Variants in JUP observed in about 807,000 individuals in gnomAD.
JUP encodes catenin (cadherin-associated protein), gamma 80kDa.
JUP carries 28 observed loss-of-function variants against 71.1 expected under a neutral mutation model. That is an observed-to-expected ratio of 0.39 (90% CI 0.29 to 0.54). The LOEUF (loss-of-function observed/expected upper bound fraction) is 0.54, where lower values mean the gene tolerates loss of function less well. Ranked by LOEUF, JUP falls within the 20% of genes least tolerant of loss-of-function variation. The pLI is 0.62. For missense variants in JUP, 869 were observed against 1,030.1 expected, an observed-to-expected ratio of 0.84 and a Z score of 2.14; for synonymous variants, 401 against 438.9, an observed-to-expected ratio of 0.91 and a Z score of 1.08.
intron 1 of JUP, chr17:41,772,240 G>T: frequency 2.8e-6 from 1 of 360,330 alleles, no homozygotes; most frequent in Admixed American, 3.8e-5. Context: ...AGGCACTCAG[G>T]GCTTCTAGCA....
chr17:41,782,007 C>A lies in JUP; in HGVS notation c.-9+4581G>T, dbSNP rs868974538. ...TCTCAAGTCCCATTAGCCTTCTCCA[C>A]GATCAATAATCCCGTTGCCTGGGGT... On this transcript the variant is annotated intron_variant, in intron 1 of 13. Transcript: ENST00000393931. Among the ~76,000 whole-genome samples the A allele has an allele frequency of 2.6e-5, 4 of 152,166 alleles. No individual in the cohort carries two copies. In the South Asian group the frequency reaches 8.3e-4, roughly 31 times the overall value.
rs886037753 is a variant in JUP at position 41,769,418 on chromosome 17, C to T, written c.468G>A (p.Pro156=). 10 of 1,610,584 alleles carry T rather than the reference C, an allele frequency of 6.2e-6. No individual in the cohort carries two copies. Among genetic ancestry groups the T allele is most frequent in the Middle Eastern group, 1.7e-4 (1 of 6,056 alleles). The change falls in exon 3 of 14, where the codon CCG becomes CCA. Residue 156 remains proline (P), a splice_region_variant and synonymous_variant. Coordinates refer to ENST00000393931, the MANE Select transcript of JUP (RefSeq NM_002230.4). ...CACCCTAGCAGGGACCCTCACAGAC[C>T]GGGTCCTCGTCGTTGAGCAGTTTGG... The part of the protein sequence containing the change: ...ELTKLLNDED[P]VVVTKAAMIV...
Position 41,768,957 on chromosome 17 carries a change from A to G in JUP, c.707+12T>C, listed in dbSNP as rs782282188. On this transcript the variant is annotated intron_variant, in intron 4 of 13. Coordinates refer to ENST00000393931, the MANE Select transcript of JUP (RefSeq NM_002230.4). ...GGGGTCCTGGGCTCATGCAGTGAGC[A>G]GGGTTGGGTACCTGAGCATGCGGAC... is the stretch of plus-strand genomic sequence containing the variant. 2 of 1,590,532 alleles carry G rather than the reference A, an allele frequency of 1.3e-6. No individual in the cohort carries two copies. Among genetic ancestry groups the G allele is most frequent in the African/African-American group, 2.7e-5 (2 of 74,540 alleles).
At chr17:41,764,028 G>T (rs149566365) in intron 7 of JUP, among the ~76,000 whole-genome samples, 1 of 152,270 alleles carries the variant, frequency 6.6e-6, no homozygotes, top group East Asian at 1.9e-4. Flanking sequence ...CTAACCCCAG[G>T]TTGAATGAGC....
intron 12 of JUP, among the ~76,000 whole-genome samples, chr17:41,756,626 C>T (rs533194162): frequency 2.0e-5 from 3 of 150,392 alleles, no homozygotes; most frequent in Non-Finnish European, 4.4e-5. Context: ...AGGCTGGGCG[C>T]AGTGGCTCAC....
At chr17:41,782,622 C>G (rs1010861013) in intron 1 of JUP, among the ~76,000 whole-genome samples, 1 of 152,086 alleles carries the variant, frequency 6.6e-6, no homozygotes, top group South Asian at 2.1e-4. Flanking sequence ...ACAGCCCTGG[C>G]CTTGGGGAGA....
intron 8 of JUP, among the ~76,000 whole-genome samples, chr17:41,762,168 AGAGAGAGAGTGTGT>A (rs1400051514): frequency 0.02 from 970 of 49,078 alleles, 2 homozygotes; most frequent in Non-Finnish European, 0.03. Context: ...AGAGAGAGAG[AGAGAGAGAGTGTGT>A]GTGTGTGTGT....
chr17:41,759,977 G>A lies in JUP; in HGVS notation c.1498-1107C>T, dbSNP rs1424274019. Among the ~76,000 whole-genome samples, 3 of 151,820 alleles carry A rather than the reference G, an allele frequency of 2.0e-5. No homozygotes were observed. In the East Asian group the frequency reaches 6.0e-4, roughly 30 times the overall value. On this transcript the variant is annotated intron_variant, in intron 8 of 13. Coordinates refer to ENST00000393931, the MANE Select transcript of JUP (RefSeq NM_002230.4). The stretch of plus-strand genomic sequence containing the variant: ...GCCTGTAATCCTAGCACTTTGGGAG[G>A]CCAAGGCAGGCAGATCACTTTAGGT...
chr17:41,769,043 G>T lies in JUP; in HGVS notation c.633C>A (p.Asn211Lys), dbSNP rs372145644. The change falls in exon 4 of 14, where the codon AAC becomes AAA. Residue 211 changes from asparagine to lysine, a missense_variant. Transcript: ENST00000393931. Reference sequence around the variant, plus strand: ...GCAGCCCCTCCCGGTGGTGGGAGAGGTTGTGCAGGATGCTGGTGGTGCAGC... The same window carrying T: ...GCAGCCCCTCCCGGTGGTGGGAGAGTTTGTGCAGGATGCTGGTGGTGCAGC... ...TARCTTSILHNLSHHREGLLA... is the reference protein window; with the variant it reads ...TARCTTSILHKLSHHREGLLA... 2.5e-6 allele frequency: 4 copies of T among 1,613,082 alleles called. No homozygotes were observed. The highest frequency in any genetic ancestry group is 3.4e-6 in the Non-Finnish European group (4 of 1,179,706).
At chr17:41,772,728 G>T in intron 1 of JUP, 1 of 870,350 alleles carries the variant, frequency 1.1e-6, no homozygotes, top group Non-Finnish European at 1.4e-6. Flanking sequence ...GTCTCCTCGA[G>T]CCCAGGCTAG....
chr17:41,773,609 C>T (rs1043839156), intron 1 of JUP, among the ~76,000 whole-genome samples: 2 of 152,186 alleles, frequency 1.3e-5, no homozygotes, highest in Non-Finnish European at 2.9e-5. Context: ...AGCCCCCTTT[C>T]CACACGCACC....
rs370143312 is a variant in JUP at position 41,769,108 on chromosome 17, C to G, written c.568G>C (p.Val190Leu). The change falls in exon 4 of 14, where the codon GTG becomes CTG. Residue 190 changes from valine to leucine, a missense_variant. Coordinates refer to ENST00000393931, the MANE Select transcript of JUP (RefSeq NM_002230.4). ...TCGCTGGTATTCTGCATGGTACGCA[C>G]GACAGCGGCCACCAGCTGGGGCGAG... ...MGSPQLVAAVVRTMQNTSDLD... is the reference protein window; with the variant it reads ...MGSPQLVAAVLRTMQNTSDLD... 8 of 1,612,046 alleles carry G rather than the reference C, an allele frequency of 5.0e-6. No individual in the cohort carries two copies. The highest frequency in any genetic ancestry group is 6.8e-6 in the Non-Finnish European group (8 of 1,179,962).
rs112726519 is a variant in JUP at position 41,768,059 on chromosome 17, T to G, written c.708-479A>C. Among the ~76,000 whole-genome samples the G allele has an allele frequency of 7.3e-5, 11 of 151,554 alleles. 1 individual carries two copies. Among genetic ancestry groups the G allele is most frequent in the African/African-American group, 2.7e-4 (11 of 41,294 alleles). ...AGGTGGATCACCCTGAGGTTAGGAG[T>G]TCGAAACCAGCCTGGCCAACGTGGT... is the stretch of plus-strand genomic sequence containing the variant. On this transcript the variant is annotated intron_variant, in intron 4 of 13. Transcript: ENST00000393931.
intron 1 of JUP, among the ~76,000 whole-genome samples, chr17:41,778,677 C>T (rs1442868961): frequency 2.6e-5 from 4 of 151,976 alleles, no homozygotes; most frequent in East Asian, 3.9e-4. Context: ...TTTGGGAGGC[C>T]GAGGCGGGCG....
intron 10 of JUP, 50 bp from the exon 11 acceptor site, chr17:41,757,834 C>A (rs1555599077): frequency 6.6e-7 from 1 of 1,516,568 alleles, no homozygotes. Flanking sequence ...AGGGGTGAGG[C>A]AGGCCGGACA....
intron 1 of JUP, among the ~76,000 whole-genome samples, chr17:41,779,484 C>T (rs894971229): frequency 1.3e-5 from 2 of 151,320 alleles, no homozygotes; most frequent in East Asian, 4.0e-4. Context: ...CCTGCCACAA[C>T]GCCCAGCTAA....
intron 5 of JUP, 55 bp downstream of exon 5, chr17:41,767,324 T>C: frequency 5.4e-6 from 8 of 1,482,146 alleles, no homozygotes; most frequent in Non-Finnish European, 7.5e-6. Context: ...CTGTGCAGGA[T>C]AGAAGATGGC....
intron 1 of JUP, among the ~76,000 whole-genome samples, chr17:41,784,487 C>T (rs2047351547): frequency 1.3e-5 from 2 of 152,176 alleles, no homozygotes; most frequent in South Asian, 4.1e-4. Flanking sequence ...TTCATCACAG[C>T]CACAAACCAG....
chr17:41,756,161 C>T lies in JUP; in HGVS notation c.2086+14G>A, dbSNP rs727504485. The T allele has an allele frequency of 3.4e-5, 55 of 1,612,842 alleles. No homozygotes were observed. The highest frequency in any genetic ancestry group is 5.3e-5 in the African/African-American group (4 of 74,900). ...AGGATCTCCAGGGTCCTGAAGAGCC[C>T]GGCACACACTTACCATCTCCATAGG... On this transcript the variant is annotated intron_variant, in intron 13 of 13. Transcript: ENST00000393931.
Sources: gnomAD v4.1 joint callset for allele counts (sites outside exome capture counted in the v4.1 genomes callset) on GRCh38, gnomAD v4.1.1 for gene constraint, MANE v1.5 for transcripts, NCBI Gene and HGNC (gene_info 2026-07-23, HGNC 2026-07-21) for gene names.